Variants in SNX25 observed in about 807,000 individuals in gnomAD.
The protein encoded by SNX25 is sorting nexin 25.
SNX25 carries 62 observed loss-of-function variants against 113.7 expected under a neutral mutation model. The observed-to-expected ratio is 0.55, with a 90% CI of 0.44 to 0.67. SNX25 has a LOEUF of 0.67. SNX25 is among the 30% of genes least tolerant of loss of function. The pLI is 0.00. For synonymous variants in SNX25, 421 were observed against 436.2 expected (o/e 0.97, Z 0.43); for missense variants, 1,014 against 1,161.0 (o/e 0.87, Z 1.84).
rs138161491 is a variant in SNX25, at chr4:185,326,612, C to T, written c.1749+2812C>T. On this transcript the variant is annotated intron_variant, in intron 9 of 18. Coordinates refer to ENST00000652585, the MANE Select transcript of SNX25 (RefSeq NM_001378034.2). ...TCAGAATTATAGGCGTCTCCCAAAACGTTGGAACACATACCAGTAACTTAT... is the reference window on the plus strand; with the variant it reads ...TCAGAATTATAGGCGTCTCCCAAAATGTTGGAACACATACCAGTAACTTAT... Among the ~76,000 whole-genome samples, 947 of 152,264 alleles carry T rather than the reference C, an allele frequency of 6.2e-3. 14 individuals carry two copies. Among genetic ancestry groups the T allele is most frequent in the South Asian group, 0.049 (237 of 4,822 alleles).
At chr4:185,285,280 G>A (rs1751186673) in intron 5 of SNX25, among the ~76,000 whole-genome samples, 1 of 152,062 alleles carries the variant, frequency 6.6e-6, no homozygotes, top group Non-Finnish European at 1.5e-5. Context: ...GATGCTTTCT[G>A]TTTAATCTGA....
chr4:185,206,907 A>T (rs572788152), upstream of SNX25, among the ~76,000 whole-genome samples: 13 of 152,328 alleles, frequency 8.5e-5, no homozygotes, highest in African/African-American at 3.1e-4. Flanking sequence ...ACTCTGAGGC[A>T]GTAGGCCTGA....
intron 4 of SNX25, 54 bp downstream of exon 4, chr4:185,264,664 T>A: frequency 1.3e-6 from 2 of 1,545,930 alleles, no homozygotes; most frequent in Non-Finnish European, 1.8e-6. Flanking sequence ...ACTAATGTGC[T>A]ACATGCAGAC....
intron 1 of SNX25, among the ~76,000 whole-genome samples, chr4:185,224,712 A>T (rs1329162599): frequency 2.0e-5 from 3 of 150,476 alleles, no homozygotes; most frequent in Non-Finnish European, 4.4e-5. Flanking sequence ...AACATATTTG[A>T]TGGGTTTCAA....
the SNX25 span, chr4:185,375,762 TATG>T: frequency 7.0e-7 from 1 of 1,431,296 alleles, no homozygotes; most frequent in Non-Finnish European, 9.7e-7. Context: ...TTATTTTTAT[TATG>T]ATCTTAAAGT....
chr4:185,333,811 A>G (rs182874106), intron 10 of SNX25, among the ~76,000 whole-genome samples: 43 of 152,174 alleles, frequency 2.8e-4, no homozygotes, highest in African/African-American at 8.7e-4. Flanking sequence ...TGGGAAGCCG[A>G]GATGGGTGGA....
At chr4:185,262,428 G>C (rs1036058107) in intron 3 of SNX25, among the ~76,000 whole-genome samples, 1 of 152,126 alleles carries the variant, frequency 6.6e-6, no homozygotes, top group African/African-American at 2.4e-5. Context: ...TCGAGTACTG[G>C]CATACAGTTT....
chr4:185,240,677 G>A (rs1743731140), intron 1 of SNX25, among the ~76,000 whole-genome samples: 1 of 151,590 alleles, frequency 6.6e-6, no homozygotes, highest in Admixed American at 6.6e-5. Flanking sequence ...CTTCCGGACG[G>A]GGCGGCTGCC....
chr4:185,326,242 G>A (rs2095156443), intron 9 of SNX25, among the ~76,000 whole-genome samples: 1 of 152,142 alleles, frequency 6.6e-6, no homozygotes. Flanking sequence ...GGTCACTCCA[G>A]TCTCCTGTTA....
chr4:185,305,692 A>G (rs1230682040), intron 6 of SNX25, among the ~76,000 whole-genome samples: 5 of 152,240 alleles, frequency 3.3e-5, no homozygotes, highest in Admixed American at 6.5e-5. Flanking sequence ...GGGTTTACCT[A>G]ATGTCTAATA....
rs1204890889 is a variant in SNX25 at position 185,340,060 on chromosome 4, T to C, written c.2046+550T>C. Among the ~76,000 whole-genome samples the C allele has an allele frequency of 2.0e-5, 3 of 152,238 alleles. No homozygotes were observed. The East Asian group carries it at 5.8e-4, about 29-fold the overall frequency. On this transcript the variant is annotated intron_variant, in intron 11 of 18. Coordinates refer to ENST00000652585, the MANE Select transcript of SNX25 (RefSeq NM_001378034.2). ...AGGAGGAAAGACGCTTATAGGCGTT[T>C]ATGTCATTACTGTTGACAACTTCCT... is the stretch of plus-strand genomic sequence containing the variant.
intron 10 of SNX25, among the ~76,000 whole-genome samples, chr4:185,336,107 A>G (rs963830112): frequency 1.3e-5 from 2 of 152,196 alleles, no homozygotes; most frequent in Non-Finnish European, 2.9e-5. Flanking sequence ...AAAAGATATT[A>G]TTTATTTTTG....
At chr4:185,376,044 C>T in the SNX25 span, among the ~76,000 whole-genome samples, 3 of 151,944 alleles carry the variant, frequency 2.0e-5, no homozygotes, top group Non-Finnish European at 4.4e-5. Flanking sequence ...GAAAGACAGT[C>T]AGTCCCTTTT....
At chr4:185,303,398 G>A (rs190916869) in intron 6 of SNX25, among the ~76,000 whole-genome samples, 53 of 152,156 alleles carry the variant, frequency 3.5e-4, no homozygotes, top group African/African-American at 1.2e-3. Context: ...GGTGGCTCAC[G>A]CCTGTAATCC....
intron 7 of SNX25, among the ~76,000 whole-genome samples, chr4:185,314,925 A>G (rs1415802318): frequency 1.3e-5 from 2 of 150,590 alleles, no homozygotes; most frequent in Non-Finnish European, 3.0e-5. Context: ...TGAAGAATAT[A>G]ATAATAATCT....
At chr4:185,349,732 G>A (rs1346359469) in intron 13 of SNX25, among the ~76,000 whole-genome samples, 1 of 152,096 alleles carries the variant, frequency 6.6e-6, no homozygotes, top group Non-Finnish European at 1.5e-5. Context: ...GGATTATTGT[G>A]TGTGTGTGTG....
Position 185,339,412 on chromosome 4 carries a change from A to T in SNX25, c.1948A>T (p.Ile650Leu), listed in dbSNP as rs1418142165. ...CAAGTTGAAGGATGAAATAATCCTAATAGAGAAAGAACGCACAGACCTTCA... is the reference window on the plus strand; with the variant it reads ...CAAGTTGAAGGATGAAATAATCCTATTAGAGAAAGAACGCACAGACCTTCA... ...VSKLKDEIILIEKERTDLQLH... is the reference protein window; with the variant it reads ...VSKLKDEIILLEKERTDLQLH... The change falls in exon 11 of 19, where the codon ATA becomes TTA. Residue 650 changes from isoleucine to leucine, a missense_variant. By Grantham distance (5) the Ile-to-Leu change is conservative. Transcript: ENST00000652585. 6.2e-7 allele frequency: 1 copy of T among 1,614,002 alleles called. No homozygotes were observed.
chr4:185,290,652 A>G (rs910132499), intron 6 of SNX25, among the ~76,000 whole-genome samples: 1 of 152,240 alleles, frequency 6.6e-6, no homozygotes, highest in South Asian at 2.1e-4. Context: ...GTTTATATAT[A>G]AGGACAAAGT....
In SNX25 at chr4:185,299,645, GA is replaced by G. The variant is rs1238054809; in HGVS notation, c.1163-10988del. Among the ~76,000 whole-genome samples the G allele has an allele frequency of 2.6e-5, 4 of 152,234 alleles. No homozygotes were observed. In the South Asian group the frequency reaches 8.3e-4, roughly 32 times the overall value. ...ACCCAACTACCTAGCTTTTTATTTA[GA>G]ACTAGACAGAACAGCTAGAGTAGTT... On this transcript the variant is annotated intron_variant, in intron 6 of 18. Transcript: ENST00000652585.
Sources: allele counts gnomAD v4.1 joint callset (sites outside exome capture counted in the v4.1 genomes callset), GRCh38; gene constraint gnomAD v4.1.1; transcripts MANE v1.5; gene names NCBI Gene and HGNC (gene_info 2026-07-23, HGNC 2026-07-21).